The following KDM4C variants were observed in gnomAD, a reference collection of about 807,000 sequenced individuals.
The protein encoded by KDM4C is lysine demethylase 4C.
In KDM4C, 81 loss-of-function variants were observed where a neutral mutation model predicts 129.3. That is an observed-to-expected ratio of 0.63 (90% confidence interval 0.52 to 0.75). The LOEUF (loss-of-function observed/expected upper bound fraction) is 0.75, where lower values mean the gene tolerates loss of function less well. Among genes scored for constraint, KDM4C ranks in the 30% least tolerant of loss-of-function variants. The pLI is 0.00. For synonymous variants in KDM4C, 573 were observed against 456.1 expected (o/e 1.26, Z -3.26); for missense variants, 1,457 against 1,304.0 (o/e 1.12, Z -1.81).
At chr9:7,034,222 ACCT>A (rs1473892501) in intron 15 of KDM4C, among the ~76,000 whole-genome samples, 5 of 152,112 alleles carry the variant, frequency 3.3e-5, no homozygotes, top group Non-Finnish European at 5.9e-5. Context: ...AACATGCAAT[ACCT>A]CCTCTAGCTA....
intron 15 of KDM4C, among the ~76,000 whole-genome samples, chr9:7,016,497 G>A (rs1209316438): frequency 7.1e-6 from 1 of 140,226 alleles, no homozygotes; most frequent in African/African-American, 2.7e-5. Flanking sequence ...CGTGAGCTCA[G>A]CTCATTGCAA....
At chr9:6,896,526 A>T (rs982526103) in intron 8 of KDM4C, among the ~76,000 whole-genome samples, 1 of 151,710 alleles carries the variant, frequency 6.6e-6, no homozygotes, top group Non-Finnish European at 1.5e-5. Context: ...CAGTATTTTT[A>T]ATTAGGTGAC....
chr9:6,795,952 A>G (rs1411672165), intron 2 of KDM4C, among the ~76,000 whole-genome samples: 1 of 152,142 alleles, frequency 6.6e-6, no homozygotes, highest in Non-Finnish European at 1.5e-5. Context: ...AATTATAAGC[A>G]TCAGCCACTG....
At chr9:7,120,754 C>T (rs530034802) in intron 18 of KDM4C, among the ~76,000 whole-genome samples, 1 of 152,184 alleles carries the variant, frequency 6.6e-6, no homozygotes, top group Non-Finnish European at 1.5e-5. Context: ...ACAAAGTGTT[C>T]GTTCTCTCAA....
At chr9:7,096,988 C>G (rs1836516361) in intron 17 of KDM4C, among the ~76,000 whole-genome samples, 1 of 152,174 alleles carries the variant, frequency 6.6e-6, no homozygotes, top group African/African-American at 2.4e-5. Context: ...CATCCCTTGG[C>G]TGTGCTCCTA....
chr9:6,996,622 G>C (rs1459023072), intron 12 of KDM4C, among the ~76,000 whole-genome samples: 3 of 152,172 alleles, frequency 2.0e-5, no homozygotes, highest in African/African-American at 7.2e-5. Flanking sequence ...CTAGTGTACA[G>C]AGGACGTCGT....
chr9:7,157,060 G>T (rs1843258415), intron 19 of KDM4C, among the ~76,000 whole-genome samples: 2 of 152,086 alleles, frequency 1.3e-5, no homozygotes, highest in African/African-American at 4.8e-5. Flanking sequence ...CCTTGAAGAG[G>T]TCCTTCACAT....
intron 15 of KDM4C, among the ~76,000 whole-genome samples, chr9:7,017,087 C>T (rs1263717833): frequency 6.6e-6 from 1 of 152,150 alleles, no homozygotes; most frequent in Non-Finnish European, 1.5e-5. Context: ...AGGCATGCGC[C>T]ACCATGCCTG....
At chr9:7,053,320 T>C (rs1830463090) in intron 17 of KDM4C, among the ~76,000 whole-genome samples, 1 of 152,234 alleles carries the variant, frequency 6.6e-6, no homozygotes, top group Admixed American at 6.5e-5. Flanking sequence ...GGTAAATTAT[T>C]CGTGCAAGGA....
chr9:6,918,863 T>G (rs982644183), intron 8 of KDM4C, among the ~76,000 whole-genome samples: 3 of 152,154 alleles, frequency 2.0e-5, no homozygotes, highest in African/African-American at 7.2e-5. Context: ...GCTCACTTTT[T>G]TTTTTTGAGA....
intron 8 of KDM4C, among the ~76,000 whole-genome samples, chr9:6,927,098 T>TCTAC (rs1198275531): frequency 2.1e-5 from 3 of 145,832 alleles, no homozygotes; most frequent in Non-Finnish European, 4.5e-5. Context: ...TTTCTATCTA[T>TCTAC]CTATCTATCT....
chr9:6,757,834 A>G, upstream of KDM4C: 1 of 985,650 alleles, frequency 1.0e-6, no homozygotes, highest in African/African-American at 1.7e-5. Context: ...CGCGCCAGCA[A>G]GCCTAAGTTA....
At chr9:6,872,322 G>C (rs998133334) in intron 5 of KDM4C, among the ~76,000 whole-genome samples, 1 of 152,192 alleles carries the variant, frequency 6.6e-6, no homozygotes, top group Non-Finnish European at 1.5e-5. Context: ...GTTATTGGCG[G>C]AGAAGATGAG....
chr9:6,869,554 C>T (rs1249329319), intron 5 of KDM4C, among the ~76,000 whole-genome samples: 1 of 152,194 alleles, frequency 6.6e-6, no homozygotes, highest in Non-Finnish European at 1.5e-5. Flanking sequence ...CAGAACTGGG[C>T]AGAAGGGGAA....
chr9:6,966,774 A>G lies in KDM4C; in HGVS notation c.922-14151A>G, dbSNP rs575376507. 3.8e-3 allele frequency among the ~76,000 whole-genome samples: 572 copies of G among 152,312 alleles called. 2 individuals are homozygous for G. The highest frequency in any genetic ancestry group is 5.4e-3 in the Non-Finnish European group (365 of 68,022). On this transcript the variant is annotated intron_variant, in intron 8 of 21. Coordinates refer to ENST00000381309, the MANE Select transcript of KDM4C (RefSeq NM_015061.6). Reference sequence around the variant, plus strand: ...GACAAAATAAACCTTGAACCTCACCATACACAACTACTAATTCAAGATTTA... The same window carrying G: ...GACAAAATAAACCTTGAACCTCACCGTACACAACTACTAATTCAAGATTTA...
rs1221336161 is a variant in KDM4C at position 7,128,171 on chromosome 9, A to G, written c.2716A>G (p.Thr906Ala). Residue 906 changes from threonine (T) to alanine (A), a missense_variant, in exon 19 of 22, where the codon ACC becomes GCC. Physicochemically the swap from Thr to Ala is moderately conservative, Grantham distance 58 (BLOSUM62 0). Coordinates refer to ENST00000381309, the MANE Select transcript of KDM4C (RefSeq NM_015061.6). ...SCRVMAVTSQ[T>A]FYEVMFDDGS... The stretch of plus-strand genomic sequence containing the variant: ...CAGAGTGATGGCTGTGACATCGCAG[A>G]CCTTCTATGAGGTCATGTTTGATGA... The G allele has an allele frequency of 6.2e-7, 1 of 1,612,796 alleles. No individual in the cohort carries two copies. Among genetic ancestry groups the G allele is most frequent in the South Asian group, 1.1e-5 (1 of 90,884 alleles).
chr9:6,921,199 A>G (rs1438349423), intron 8 of KDM4C, among the ~76,000 whole-genome samples: 1 of 152,200 alleles, frequency 6.6e-6, no homozygotes, highest in Non-Finnish European at 1.5e-5. Flanking sequence ...GATCAAATTC[A>G]GTCTTGCAAC....
chr9:6,748,933 G>A (rs773194336), intron 1 of KDM4C: 4 of 927,628 alleles, frequency 4.3e-6, no homozygotes, highest in African/African-American at 3.2e-5. Context: ...AGGTTGATGG[G>A]CTGCACCATA....
intron 15 of KDM4C, among the ~76,000 whole-genome samples, chr9:7,033,732 A>G (rs1827170270): frequency 6.6e-6 from 1 of 152,222 alleles, no homozygotes; most frequent in Non-Finnish European, 1.5e-5. Context: ...GTATTCATAA[A>G]TAGCTTCTTG....
Sources: allele counts gnomAD v4.1 joint callset (sites outside exome capture counted in the v4.1 genomes callset), GRCh38; gene constraint gnomAD v4.1.1; transcripts MANE v1.5; gene names NCBI Gene and HGNC (gene_info 2026-07-23, HGNC 2026-07-21).